The following PIWIL3 variants were observed in gnomAD, a reference collection of about 807,000 sequenced individuals.
The protein encoded by PIWIL3 is piwi like RNA-mediated gene silencing 3.
A neutral mutation model predicts 109.7 loss-of-function variants in PIWIL3; 101 were observed. The observed-to-expected ratio is 0.92, with a 90% CI of 0.78 to 1.09. PIWIL3 has a LOEUF of 1.09. PIWIL3 is among the 50% of genes least tolerant of loss of function. The probability of loss-of-function intolerance (pLI) is 0.00; values close to 1 mark genes in which losing one functional copy is unlikely to be tolerated. For missense variants in PIWIL3, 1,031 were observed against 1,072.6 expected, an observed-to-expected ratio of 0.96 and a Z score of 0.54; for synonymous variants, 373 against 376.4, an observed-to-expected ratio of 0.99 and a Z score of 0.10.
chr22:24,729,389 A>G (rs1466892603), intron 14 of PIWIL3, among the ~76,000 whole-genome samples: 6 of 152,070 alleles, frequency 3.9e-5, no homozygotes, highest in East Asian at 1.9e-4. Flanking sequence ...CTTCCTCATG[A>G]TGTATGTATA....
chr22:24,724,299 G>T (rs1030610745), intron 18 of PIWIL3, among the ~76,000 whole-genome samples: 2 of 151,570 alleles, frequency 1.3e-5, no homozygotes, highest in African/African-American at 4.9e-5. Context: ...TGCACAGTAC[G>T]ATTTTTTTTG....
At chr22:24,731,711 G>T (rs144933538) in intron 14 of PIWIL3, among the ~76,000 whole-genome samples, 3,323 of 151,830 alleles carry the variant, frequency 0.022, 109 homozygotes, top group African/African-American at 0.076. Flanking sequence ...CTTAGACATA[G>T]ACATATAGCT....
rs779645006 is a variant in PIWIL3, at chr22:24,754,108, A to G, written c.883T>C (p.Tyr295His). Residue 295 changes from tyrosine (Y) to histidine (H), a missense_variant, in exon 8 of 21, where the codon TAT (tyrosine) becomes CAT (histidine). Transcript: ENST00000616349. ...SHKLLRIETA[Y>H]DFIKRTSAQA... is the part of the protein sequence containing the mutation. ...GCAGATGTTCTCTTTATGAAATCAT[A>G]AGCAGTTTCTATTCGGAGCAGTTTG... 12 of 1,613,334 alleles carry G rather than the reference A, an allele frequency of 7.4e-6. No homozygotes were observed. The highest frequency in any genetic ancestry group is 1.7e-6 in the Non-Finnish European group (2 of 1,179,258).
At position 24,724,978 on chromosome 22, in the gene PIWIL3, G is replaced by A. The variant is rs752254479; in HGVS notation, c.2140C>T (p.Arg714Trp). ...SSMPHSVIVYRDGVGDGQLQA... is the reference protein window; with the variant it reads ...SSMPHSVIVYWDGVGDGQLQA... The stretch of plus-strand genomic sequence containing the variant: ...AGCTGACCATCTCCCACTCCATCCC[G>A]ATACACAATAACAGAATGTGGCATC... The change falls in exon 18 of 21, where the codon CGG becomes TGG. Residue 714 changes from arginine to tryptophan, a missense_variant. Transcript: ENST00000616349. The A allele has an allele frequency of 5.6e-6, 9 of 1,613,978 alleles. No individual in the cohort carries two copies. The East Asian group carries it at 6.7e-5, about 12-fold the overall frequency.
At chr22:24,763,185 C>T (rs1252398371) in intron 1 of PIWIL3, among the ~76,000 whole-genome samples, 2 of 151,230 alleles carry the variant, frequency 1.3e-5, no homozygotes, top group Admixed American at 1.3e-4. Context: ...TGCTCTGTCA[C>T]CCAGGCTGGA....
At chr22:24,771,258 C>T (rs544798521) in intron 1 of PIWIL3, among the ~76,000 whole-genome samples, 62 of 151,826 alleles carry the variant, frequency 4.1e-4, no homozygotes, top group African/African-American at 1.4e-3. Flanking sequence ...GTCAGGAGAT[C>T]GAGACCATCC....
rs901745030 is a variant in PIWIL3, at chr22:24,724,912, A to G, written c.2206T>C (p.Tyr736His). 2.2e-5 allele frequency: 36 copies of G among 1,614,082 alleles called. No individual in the cohort carries two copies. The highest frequency in any genetic ancestry group is 3.0e-5 in the Non-Finnish European group (35 of 1,179,980). The stretch of plus-strand genomic sequence containing the variant: ...TTGTTAGGAGAGATGGTTTTTAAGT[A>G]GGTCGACATCTTTTTCGCTTCATGG... ...LDHEAKKMSTYLKTISPNNFT... is the reference protein window; with the variant it reads ...LDHEAKKMSTHLKTISPNNFT... Residue 736 changes from tyrosine (Y) to histidine (H), a missense_variant, in exon 18 of 21, where the codon TAC (tyrosine) becomes CAC (histidine). Physicochemically the swap from Tyr to His is moderately conservative, Grantham distance 83. Coordinates refer to ENST00000616349, the MANE Select transcript of PIWIL3 (RefSeq NM_001255975.1).
intron 17 of PIWIL3, 36 bp downstream of exon 17, chr22:24,725,409 T>G (rs181862809): frequency 1.2e-6 from 2 of 1,607,146 alleles, no homozygotes; most frequent in East Asian, 4.5e-5. Context: ...ACTACTTGTA[T>G]AGTGTCGGGT....
Position 24,719,807 on chromosome 22 carries a change from T to C in PIWIL3, c.2446A>G (p.Ser816Gly). The C allele has an allele frequency of 6.2e-7, 1 of 1,612,724 alleles. No homozygotes were observed. The highest frequency in any genetic ancestry group is 8.5e-7 in the Non-Finnish European group (1 of 1,178,710). Residue 816 changes from serine (S) to glycine (G), a missense_variant, in exon 20 of 21, where the codon AGC (serine) becomes GGC (glycine). Ser to Gly is a moderately conservative substitution (Grantham distance 56, BLOSUM62 0). Coordinates refer to ENST00000616349, the MANE Select transcript of PIWIL3 (RefSeq NM_001255975.1). ...GTTAAACGCTGTACTGTATCTGGGC[T>C]CAAGCCAATCGTGTCATAGATGACG... ...YNVIYDTIGLSPDTVQRLTYC... is the reference protein window; with the variant it reads ...YNVIYDTIGLGPDTVQRLTYC...
intron 12 of PIWIL3, among the ~76,000 whole-genome samples, chr22:24,748,499 C>T (rs1924501968): frequency 6.6e-6 from 1 of 152,168 alleles, no homozygotes; most frequent in Admixed American, 6.5e-5. Context: ...TGATTATGCA[C>T]TGCATGCCTG....
In PIWIL3 at chr22:24,735,774, A is replaced by T. The variant is rs1923619561; in HGVS notation, c.1568T>A (p.Met523Lys). 2.5e-6 allele frequency: 4 copies of T among 1,614,126 alleles called. No homozygotes were observed. The highest frequency in any genetic ancestry group is 3.4e-6 in the Non-Finnish European group (4 of 1,179,976). ...LYSRSSHREA[M>K]SLKGHLQSVT... is the part of the protein sequence containing the mutation. ...ACTCTGTAGATGACCCTTTAAGGACATGGCTTCTCTGTGACTGCTCCTGCT... is the reference window on the plus strand; with the variant it reads ...ACTCTGTAGATGACCCTTTAAGGACTTGGCTTCTCTGTGACTGCTCCTGCT... The change falls in exon 13 of 21, where the codon ATG becomes AAG. Residue 523 changes from methionine to lysine, a missense_variant. Coordinates refer to ENST00000616349, the MANE Select transcript of PIWIL3 (RefSeq NM_001255975.1).
rs1223979354 is a variant in PIWIL3, at chr22:24,762,505, TC to T, written c.-7del. 1 of 1,609,904 alleles carries T rather than the reference TC, an allele frequency of 6.2e-7. No individual in the cohort carries two copies. The highest frequency in any genetic ancestry group is 1.1e-5 in the South Asian group (1 of 90,336). On this transcript the variant is annotated 5_prime_UTR_variant, in exon 2 of 21. Coordinates refer to ENST00000616349, the MANE Select transcript of PIWIL3 (RefSeq NM_001255975.1). The stretch of plus-strand genomic sequence containing the variant: ...GTCCTTGCCCTACCAGGCATTGTGG[TC>T]CTGAAGGTGATGACCCTGAAGAATA...
At chr22:24,772,076 G>A (rs936944663) in intron 1 of PIWIL3, among the ~76,000 whole-genome samples, 2 of 152,108 alleles carry the variant, frequency 1.3e-5, no homozygotes, top group African/African-American at 2.4e-5. Context: ...GAATACATTC[G>A]ATAACACAGT....
At chr22:24,771,803 G>A (rs1308079941) in intron 1 of PIWIL3, among the ~76,000 whole-genome samples, 1 of 150,990 alleles carries the variant, frequency 6.6e-6, no homozygotes, top group Non-Finnish European at 1.5e-5. Flanking sequence ...GCATGATTTT[G>A]GCTCACTGCA....
At chr22:24,744,188 A>G (rs1159337546) in intron 12 of PIWIL3, among the ~76,000 whole-genome samples, 15 of 145,822 alleles carry the variant, frequency 1.0e-4, no homozygotes, top group Non-Finnish European at 1.8e-4. Context: ...TAAAAAAAAA[A>G]AAAAAAAAAA....
chr22:24,773,407 T>A (rs1453798971), intron 1 of PIWIL3, among the ~76,000 whole-genome samples: 2 of 152,176 alleles, frequency 1.3e-5, no homozygotes, highest in Non-Finnish European at 2.9e-5. Context: ...GACCCCCTCC[T>A]GAGCTGTGAG....
intron 8 of PIWIL3, 56 bp downstream of exon 8, chr22:24,753,958 G>C (rs1411851579): frequency 7.0e-7 from 1 of 1,434,270 alleles, no homozygotes; most frequent in Non-Finnish European, 9.8e-7. Flanking sequence ...CCATCTCTTG[G>C]GGTGGGGGAA....
rs767093531 is a variant in PIWIL3, at chr22:24,762,490, T to TAC, written c.8_9dup (p.Arg4ValfsTer74). 3.0e-5 allele frequency: 48 copies of TAC among 1,612,422 alleles called. No individual in the cohort carries two copies. The highest frequency in any genetic ancestry group is 4.1e-5 in the Non-Finnish European group (48 of 1,179,522). Reference sequence around the variant, plus strand: ...CTGCCTCGGGCGCGAGTCCTTGCCCTACCAGGCATTGTGGTCCTGAAGGTG... The same window carrying TAC: ...CTGCCTCGGGCGCGAGTCCTTGCCCTACACCAGGCATTGTGGTCCTGAAGGTG... On this transcript the variant is annotated frameshift_variant, in exon 2 of 21. Transcript: ENST00000616349. LOFTEE classifies it high-confidence loss of function.
intron 1 of PIWIL3, among the ~76,000 whole-genome samples, chr22:24,769,075 A>G (rs895865153): frequency 6.6e-6 from 1 of 152,204 alleles, no homozygotes; most frequent in Non-Finnish European, 1.5e-5. Context: ...TTGGTTCCAC[A>G]GTCTACCGCT....
Sources: gnomAD v4.1 joint callset for allele counts (sites outside exome capture counted in the v4.1 genomes callset) on GRCh38, gnomAD v4.1.1 for gene constraint, MANE v1.5 for transcripts, NCBI Gene and HGNC (gene_info 2026-07-23, HGNC 2026-07-21) for gene names.